The following SEMA3E variants were observed in gnomAD, a reference collection of about 807,000 sequenced individuals.
The protein encoded by SEMA3E is semaphorin-3E.
A neutral mutation model predicts 93.6 loss-of-function variants in SEMA3E; 49 were observed. That is an observed-to-expected ratio of 0.52 (90% CI 0.42 to 0.66). The LOEUF is 0.66. Among genes scored for constraint, SEMA3E ranks in the 30% least tolerant of loss-of-function variants. SEMA3E has a pLI of 0.00. For missense variants in SEMA3E, 906 were observed against 964.8 expected (o/e 0.94, Z 0.81); for synonymous variants, 363 against 330.7 (o/e 1.10, Z -1.06).
intron 1 of SEMA3E, among the ~76,000 whole-genome samples, chr7:83,587,409 C>T (rs1792652847): frequency 1.3e-5 from 2 of 152,058 alleles, no homozygotes; most frequent in Non-Finnish European, 2.9e-5. Context: ...TATGGATAAG[C>T]GTCCCTCATT....
At chr7:83,382,366 G>A (rs1787792734) in intron 16 of SEMA3E, among the ~76,000 whole-genome samples, 2 of 151,954 alleles carry the variant, frequency 1.3e-5, no homozygotes, top group Non-Finnish European at 2.9e-5. Flanking sequence ...CACAGCTTTC[G>A]AGTTAGGAAT....
chr7:83,438,997 T>C (rs563301662), intron 4 of SEMA3E, among the ~76,000 whole-genome samples: 14 of 152,318 alleles, frequency 9.2e-5, no homozygotes, highest in African/African-American at 3.4e-4. Context: ...TCTGACCACA[T>C]AGAATGGAGC....
intron 1 of SEMA3E, among the ~76,000 whole-genome samples, chr7:83,494,023 T>A (rs1790439231): frequency 6.6e-6 from 1 of 151,958 alleles, no homozygotes; most frequent in Admixed American, 6.6e-5. Flanking sequence ...TCTTATTTAT[T>A]CAATATTAAC....
intron 1 of SEMA3E, among the ~76,000 whole-genome samples, chr7:83,639,707 G>A (rs1327923601): frequency 6.7e-6 from 1 of 149,050 alleles, no homozygotes; most frequent in East Asian, 1.9e-4. Flanking sequence ...GTGTTCATTA[G>A]TCCCTTTATA....
At chr7:83,443,131 C>A (rs1419057902) in intron 4 of SEMA3E, among the ~76,000 whole-genome samples, 1 of 152,146 alleles carries the variant, frequency 6.6e-6, no homozygotes, top group Non-Finnish European at 1.5e-5. Flanking sequence ...AAGAGACGTC[C>A]AGTTACTGCC....
chr7:83,519,175 T>A (rs1412695584), intron 1 of SEMA3E, among the ~76,000 whole-genome samples: 4 of 149,120 alleles, frequency 2.7e-5, no homozygotes, highest in Non-Finnish European at 6.0e-5. Flanking sequence ...CCTGTGTCCA[T>A]GTGTTCTCAT....
intron 1 of SEMA3E, among the ~76,000 whole-genome samples, chr7:83,503,133 C>G (rs1257773402): frequency 1.3e-5 from 2 of 151,520 alleles, no homozygotes; most frequent in African/African-American, 2.4e-5. Flanking sequence ...TCTCAGGGCT[C>G]ATAATATAGG....
chr7:83,418,303 A>C, intron 5 of SEMA3E, 87 bp downstream of exon 5: 1 of 942,124 alleles, frequency 1.1e-6, no homozygotes, highest in South Asian at 1.4e-5. Flanking sequence ...GTATGTAAAG[A>C]AATGCTGAAA....
intron 1 of SEMA3E, among the ~76,000 whole-genome samples, chr7:83,517,852 G>A (rs1226372286): frequency 6.6e-6 from 1 of 152,142 alleles, no homozygotes; most frequent in Non-Finnish European, 1.5e-5. Flanking sequence ...CTGAGCAAGA[G>A]TAATTTGAAA....
At chr7:83,464,166 A>G (rs4025952) in intron 4 of SEMA3E, among the ~76,000 whole-genome samples, 1 of 151,984 alleles carries the variant, frequency 6.6e-6, no homozygotes, top group Non-Finnish European at 1.5e-5. Context: ...CTTCAAGAAA[A>G]GTAGAATGGA....
intron 1 of SEMA3E, among the ~76,000 whole-genome samples, chr7:83,546,440 GCA>G (rs1562827441): frequency 2.0e-5 from 3 of 150,386 alleles, no homozygotes; most frequent in South Asian, 2.1e-4. Context: ...GCTGCCAAAG[GCA>G]CAGAGTCCAG....
At chr7:83,413,116 T>C (rs1788474008) in intron 5 of SEMA3E, among the ~76,000 whole-genome samples, 1 of 152,172 alleles carries the variant, frequency 6.6e-6, no homozygotes, top group African/African-American at 2.4e-5. Flanking sequence ...AATACTTTTC[T>C]ATATAACTCC....
At chr7:83,440,056 CACTTT>C (rs1789081629) in intron 4 of SEMA3E, among the ~76,000 whole-genome samples, 1 of 152,178 alleles carries the variant, frequency 6.6e-6, no homozygotes, top group Non-Finnish European at 1.5e-5. Context: ...TTCTGCAGAG[CACTTT>C]ACAAGATACA....
chr7:83,522,916 T>C (rs1049452282), intron 1 of SEMA3E, among the ~76,000 whole-genome samples: 7 of 152,000 alleles, frequency 4.6e-5, no homozygotes, highest in Non-Finnish European at 1.0e-4. Flanking sequence ...ATCCTGTTAC[T>C]CTCGTAAGCC....
rs760488423 is a variant in SEMA3E, at chr7:83,622,713, G to A, written c.115+25715C>T. 1.2e-4 allele frequency among the ~76,000 whole-genome samples: 19 copies of A among 152,162 alleles called. 1 individual carries two copies. Among genetic ancestry groups the A allele is most frequent in the African/African-American group, 3.1e-4 (13 of 41,542 alleles). On this transcript the variant is annotated intron_variant, in intron 1 of 16. Coordinates refer to ENST00000643230, the MANE Select transcript of SEMA3E (RefSeq NM_012431.3). ...GATGGAGCTGGAAGCCATTATCCTC[G>A]GCAAACTAACACAGGAACAGAAAAC...
At position 83,400,244 on chromosome 7, in the gene SEMA3E, T is replaced by C; in HGVS notation, c.1150A>G (p.Ser384Gly). The C allele has an allele frequency of 6.2e-7, 1 of 1,613,976 alleles. No individual in the cohort carries two copies. Among genetic ancestry groups the C allele is most frequent in the Non-Finnish European group, 8.5e-7 (1 of 1,179,866 alleles). ...VPYPRPGSCA[S>G]KVNGGRYGTT... is the part of the protein sequence containing the mutation. ...CCGTATCTCCCTCCATTTACTTTGC[T>C]GGCACACTGAAAAACAAGTGGATCA... Residue 384 changes from serine to glycine, a missense_variant, in exon 11 of 17, where the codon AGC (serine) becomes GGC (glycine). Transcript: ENST00000643230.
At chr7:83,618,894 T>C (rs1001925449) in intron 1 of SEMA3E, among the ~76,000 whole-genome samples, 4 of 151,926 alleles carry the variant, frequency 2.6e-5, no homozygotes, top group Non-Finnish European at 4.4e-5. Flanking sequence ...TCATCACATA[T>C]GATACTGCAG....
chr7:83,459,078 G>A (rs368323339), intron 4 of SEMA3E, among the ~76,000 whole-genome samples: 7 of 150,920 alleles, frequency 4.6e-5, no homozygotes, highest in South Asian at 2.1e-4. Flanking sequence ...AAAGAATAAC[G>A]TTAAGTATCC....
intron 1 of SEMA3E, among the ~76,000 whole-genome samples, chr7:83,503,038 G>A (rs976545290): frequency 2.8e-5 from 4 of 144,230 alleles, no homozygotes; most frequent in African/African-American, 1.0e-4. Flanking sequence ...ATGTCAATAA[G>A]TTATGGGTCA....
Sources: allele counts gnomAD v4.1 joint callset (sites outside exome capture counted in the v4.1 genomes callset), GRCh38; gene constraint gnomAD v4.1.1; transcripts MANE v1.5; gene names NCBI Gene and HGNC (gene_info 2026-07-23, HGNC 2026-07-21).